The following G2E3 variants were observed in gnomAD, a reference collection of about 807,000 sequenced individuals.
The protein encoded by G2E3 is G2/M phase-specific E3 ubiquitin-protein ligase.
Under a neutral mutation model 92.8 loss-of-function variants are expected in G2E3, and 35 were observed. The observed-to-expected ratio is 0.38, with a 90% CI of 0.29 to 0.50. The LOEUF is 0.50. Among genes scored for constraint, G2E3 ranks in the 20% least tolerant of loss-of-function variants. The pLI is 0.94. For missense variants in G2E3, 554 were observed against 823.8 expected (o/e 0.67, Z 4.01); for synonymous variants, 242 against 272.4 (o/e 0.89, Z 1.10).
At chr14:30,595,693 G>A (rs977785184) in intron 6 of G2E3, among the ~76,000 whole-genome samples, 2 of 152,096 alleles carry the variant, frequency 1.3e-5, no homozygotes, top group African/African-American at 4.8e-5. Context: ...TCTCTCTAAA[G>A]GAGTTCCAAT....
chr14:30,575,079 C>T (rs1017876233), intron 1 of G2E3, among the ~76,000 whole-genome samples: 2 of 152,110 alleles, frequency 1.3e-5, no homozygotes, highest in African/African-American at 2.4e-5. Flanking sequence ...CAACCTTACC[C>T]GCATCTGTTA....
chr14:30,563,447 A>G (rs114361202), intron 1 of G2E3, among the ~76,000 whole-genome samples: 2,249 of 152,186 alleles, frequency 0.015, 47 homozygotes, highest in African/African-American at 0.052. Flanking sequence ...TCAGAGCTGC[A>G]TATCTGATGC....
rs1051214082 is a variant in G2E3 at position 30,559,184 on chromosome 14, T to C, written c.-93T>C. Reference sequence around the variant, plus strand: ...AATTTGAATCCTGTGGGCCGTTGAATGTGGCTGCTCGCGGTCGGCGTGCCC... The same window carrying C: ...AATTTGAATCCTGTGGGCCGTTGAACGTGGCTGCTCGCGGTCGGCGTGCCC... On this transcript the variant is annotated 5_prime_UTR_variant, in exon 1 of 15. The change abolishes an upstream ATG in the 5' untranslated region. Coordinates refer to ENST00000206595, the MANE Select transcript of G2E3 (RefSeq NM_017769.5). 2 of 152,366 alleles carry C rather than the reference T, an allele frequency of 1.3e-5. No homozygotes were observed. Among genetic ancestry groups the C allele is most frequent in the African/African-American group, 4.8e-5 (2 of 41,460 alleles). The allele number at this position is 152,366 out of a possible 1,614,324, so 9.4% of individuals were successfully genotyped here. A position where few individuals can be genotyped will look rare whatever the true frequency, so the allele number is the denominator to read the frequency against.
At chr14:30,607,845 A>T (rs1334130232) in intron 11 of G2E3, 43 bp from the exon 12 acceptor site, 15 of 1,015,356 alleles carry the variant, frequency 1.5e-5, no homozygotes, top group Non-Finnish European at 2.2e-5. Context: ...GTTATCTTAT[A>T]ATAATAGAAG....
intron 8 of G2E3, among the ~76,000 whole-genome samples, chr14:30,598,833 A>C (rs375933864): frequency 6.6e-5 from 10 of 152,330 alleles, no homozygotes; most frequent in Admixed American, 6.5e-4. Flanking sequence ...TTCTAGAGCC[A>C]CACTGTCCTA....
rs759957467 is a variant in G2E3 at position 30,593,649 on chromosome 14, A to G, written c.528+10A>G. 3.2e-6 allele frequency: 5 copies of G among 1,573,846 alleles called. No homozygotes were observed. Among genetic ancestry groups the G allele is most frequent in the African/African-American group, 2.7e-5 (2 of 73,996 alleles). ...TAGAGACTGTTTACAGGTAAGATACATATTTTGTAAGCTTTCTCTGATTGA... is the reference window on the plus strand; with the variant it reads ...TAGAGACTGTTTACAGGTAAGATACGTATTTTGTAAGCTTTCTCTGATTGA... On this transcript the variant is annotated intron_variant, in intron 6 of 14. Transcript: ENST00000206595.
At chr14:30,587,298 G>A (rs1279144145) in intron 3 of G2E3, among the ~76,000 whole-genome samples, 1 of 152,050 alleles carries the variant, frequency 6.6e-6, no homozygotes, top group Non-Finnish European at 1.5e-5. Context: ...TCAGAAGAAA[G>A]CAAACGAGTG....
Position 30,589,500 on chromosome 14 carries a change from T to C in G2E3, c.237+16T>C, listed in dbSNP as rs1880890469. ...TTCTAAACTGGTAAGTAAATTATTT[T>C]ACTATTAAGTAATGTCATAAATATT... is the stretch of plus-strand genomic sequence containing the variant. On this transcript the variant is annotated intron_variant, in intron 4 of 14. Transcript: ENST00000206595. 1 of 1,200,346 alleles carries C rather than the reference T, an allele frequency of 8.3e-7. No homozygotes were observed. 74.4% of individuals were successfully genotyped at this position (1,200,346 alleles called of 1,614,324 possible). A position where few individuals can be genotyped will look rare whatever the true frequency, so the allele number is the denominator to read the frequency against.
Position 30,608,069 on chromosome 14 carries a change from G to A in G2E3, c.1500G>A (p.Arg500=). 3.9e-6 allele frequency: 6 copies of A among 1,524,430 alleles called. No homozygotes were observed. Among genetic ancestry groups the A allele is most frequent in the African/African-American group, 1.4e-5 (1 of 70,952 alleles). 94.4% of individuals were successfully genotyped at this position (1,524,430 alleles called of 1,614,324 possible). The change falls in exon 12 of 15, where the codon AGG becomes AGA. Residue 500 remains arginine (R), a splice_region_variant and synonymous_variant. Coordinates refer to ENST00000206595, the MANE Select transcript of G2E3 (RefSeq NM_017769.5). ...SDFDVAQIII[R]INTATTVADL... is the part of the protein sequence containing the mutation. ...TTGATGTGGCACAGATTATAATCAG[G>A]GTAAGCAATGTATCTGTTTATTAAA...
chr14:30,616,160 T>C (rs112058886), intron 14 of G2E3, 118 bp from the exon 15 acceptor site: 6 of 683,500 alleles, frequency 8.8e-6, no homozygotes, highest in African/African-American at 7.2e-5. Flanking sequence ...AAAACAAATG[T>C]GGGAGTCTGT....
At chr14:30,613,389 T>C (rs1882179498) in intron 13 of G2E3, among the ~76,000 whole-genome samples, 1 of 152,226 alleles carries the variant, frequency 6.6e-6, no homozygotes, top group Non-Finnish European at 1.5e-5. Flanking sequence ...TAGTTACTAT[T>C]ACTACTGAAG....
At chr14:30,595,821 A>C (rs1297706040) in intron 6 of G2E3, among the ~76,000 whole-genome samples, 1 of 152,180 alleles carries the variant, frequency 6.6e-6, no homozygotes, top group African/African-American at 2.4e-5. Context: ...AATAATATAC[A>C]TTGGGATTTT....
chr14:30,565,948 C>G (rs550384525), intron 1 of G2E3, among the ~76,000 whole-genome samples: 12 of 152,250 alleles, frequency 7.9e-5, no homozygotes, highest in African/African-American at 2.4e-4. Flanking sequence ...ACGTGAGCCA[C>G]CACACCTGGC....
chr14:30,582,169 T>C (rs1023029176), intron 2 of G2E3, among the ~76,000 whole-genome samples: 7 of 152,226 alleles, frequency 4.6e-5, no homozygotes, highest in African/African-American at 1.7e-4. Context: ...CTACTATTGA[T>C]ACTTTTTCCT....
chr14:30,598,451 G>C, intron 7 of G2E3, 32 bp from the exon 8 acceptor site: 2 of 1,293,074 alleles, frequency 1.5e-6, no homozygotes, highest in Non-Finnish European at 2.3e-6. Flanking sequence ...ATTATTTATA[G>C]GTCAAAGCAT....
intron 3 of G2E3, among the ~76,000 whole-genome samples, chr14:30,587,583 T>C (rs1253794925): frequency 1.3e-5 from 2 of 152,186 alleles, no homozygotes; most frequent in African/African-American, 4.8e-5. Context: ...TCTCATGATA[T>C]TATCATTGAG....
chr14:30,565,945 C>T (rs1879408931), intron 1 of G2E3, among the ~76,000 whole-genome samples: 1 of 152,120 alleles, frequency 6.6e-6, no homozygotes, highest in Non-Finnish European at 1.5e-5. Flanking sequence ...CAGACGTGAG[C>T]CACCACACCT....
Position 30,612,214 on chromosome 14 carries a change from C to G in G2E3, c.1508C>G (p.Thr503Ser). Residue 503 changes from threonine to serine, a missense_variant, in exon 13 of 15, where the codon ACT becomes AGT. By Grantham distance (58) the Thr-to-Ser change is moderately conservative. Coordinates refer to ENST00000206595, the MANE Select transcript of G2E3 (RefSeq NM_017769.5). ...DVAQIIIRIN[T>S]ATTVADLKSI... Reference sequence around the variant, plus strand: ...TTTTCTCCTTCATTACAGATAAATACTGCAACAACTGTAGCTGACTTAAAG... The same window carrying G: ...TTTTCTCCTTCATTACAGATAAATAGTGCAACAACTGTAGCTGACTTAAAG... 1 of 1,607,380 alleles carries G rather than the reference C, an allele frequency of 6.2e-7. No individual in the cohort carries two copies. Among genetic ancestry groups the G allele is most frequent in the Non-Finnish European group, 8.5e-7 (1 of 1,175,396 alleles).
In G2E3 at chr14:30,601,712, A is replaced by G. The variant is rs1313721820; in HGVS notation, c.753-58A>G. 33 of 1,572,154 alleles carry G rather than the reference A, an allele frequency of 2.1e-5. No homozygotes were observed. In the East Asian group the frequency reaches 6.9e-4, roughly 33 times the overall value. On this transcript the variant is annotated intron_variant, in intron 8 of 14. Transcript: ENST00000206595. ...GAAGGCAGGCCCTGTGGACATTGCT[A>G]GTGGTTGAAACTAGAATAATAACAA...
Sources: gnomAD v4.1 joint callset for allele counts (sites outside exome capture counted in the v4.1 genomes callset) on GRCh38, gnomAD v4.1.1 for gene constraint, MANE v1.5 for transcripts, NCBI Gene and HGNC (gene_info 2026-07-23, HGNC 2026-07-21) for gene names.